COL6A3: variants seen among roughly 807,000 people sequenced by gnomAD.
COL6A3 encodes the protein collagen alpha-3(VI) chain.
In COL6A3, 137 loss-of-function variants were observed where a neutral mutation model predicts 274.1. That is an observed-to-expected ratio of 0.50 (90% CI 0.44 to 0.58). The LOEUF (loss-of-function observed/expected upper bound fraction) is 0.58. Ranked by LOEUF, COL6A3 falls within the 20% of genes least tolerant of loss-of-function variation. The probability of loss-of-function intolerance (pLI) is 0.00; values close to 1 mark genes in which losing one functional copy is unlikely to be tolerated. For missense variants in COL6A3, 3,950 were observed against 4,124.9 expected (o/e 0.96, Z 1.16); for synonymous variants, 1,650 against 1,650.6 (o/e 1.00, Z 0.01).
At position 237,377,310 on chromosome 2, in the gene COL6A3, G is replaced by A. The variant is rs2077875097; in HGVS notation, c.2532C>T (p.Gly844=). 1 of 1,601,516 alleles carries A rather than the reference G, an allele frequency of 6.2e-7. No homozygotes were observed. The highest frequency in any genetic ancestry group is 1.3e-5 in the African/African-American group (1 of 75,030). Residue 844 remains glycine, a synonymous_variant, in exon 7 of 44, where the codon GGC becomes GGT. Transcript: ENST00000295550. Reference sequence around the variant, plus strand: ...GGAACTGGCCCACAAGATTGGCTGAGCCGTCAAAGAGGAACAGAATGTCTC... The same window carrying A: ...GGAACTGGCCCACAAGATTGGCTGAACCGTCAAAGAGGAACAGAATGTCTC... ...SKRDILFLFD[G]SANLVGQFPV...
chr2:237,377,067 C>T lies in COL6A3; in HGVS notation c.2775G>A (p.Arg925=), dbSNP rs1416907637. 2 of 1,614,206 alleles carry T rather than the reference C, an allele frequency of 1.2e-6. No individual in the cohort carries two copies. The highest frequency in any genetic ancestry group is 1.7e-5 in the Admixed American group (1 of 60,020). Residue 925 remains arginine, a synonymous_variant, in exon 7 of 44, where the codon AGG becomes AGA. Coordinates refer to ENST00000295550, the MANE Select transcript of COL6A3 (RefSeq NM_004369.4). The part of the protein sequence containing the change: ...NLGYALDYAQ[R]YIFVKSAGSR... Reference sequence around the variant, plus strand: ...TGCCAGCAGACTTCACAAAAATGTACCTCTGTGCATAGTCCAGCGCGTAGC... The same window carrying T: ...TGCCAGCAGACTTCACAAAAATGTATCTCTGTGCATAGTCCAGCGCGTAGC...
chr2:237,346,694 T>C (rs2077104315), intron 31 of COL6A3, 129 bp from the exon 32 acceptor site: 1 of 803,442 alleles, frequency 1.2e-6, no homozygotes, highest in Admixed American at 2.1e-5. Context: ...ATCTCTCACT[T>C]TAAGGGAGCT....
Position 237,369,201 on chromosome 2 carries a change from G to C in COL6A3, c.4286-24C>G, listed in dbSNP as rs765527399. The C allele has an allele frequency of 1.0e-5, 16 of 1,603,368 alleles. No individual in the cohort carries two copies. The East Asian group carries it at 3.1e-4, about 31-fold the overall frequency. ...TGCTGCAGATCAAAGAAGAAAAAGGGAAACATTCAGTGTGTAAGTAGCCCT... is the reference window on the plus strand; with the variant it reads ...TGCTGCAGATCAAAGAAGAAAAAGGCAAACATTCAGTGTGTAAGTAGCCCT... On this transcript the variant is annotated intron_variant, in intron 9 of 43. Transcript: ENST00000295550.
Position 237,381,296 on chromosome 2 carries a change from T to G in COL6A3, c.1516A>C (p.Arg506=), listed in dbSNP as rs2077998661. The G allele has an allele frequency of 6.2e-7, 1 of 1,614,108 alleles. No individual in the cohort carries two copies. Among genetic ancestry groups the G allele is most frequent in the Admixed American group, 1.7e-5 (1 of 60,010 alleles). ...TTCCGCACAGCGGTTATGACTTCCC[T>G]TTTTGTTGGATGGGTATTGAAATAA... is the stretch of plus-strand genomic sequence containing the variant. ...EFYFNTHPTK[R]EVITAVRKMK... is the part of the protein sequence containing the mutation. Residue 506 remains arginine, a synonymous_variant, in exon 5 of 44, where the codon AGG becomes CGG. Coordinates refer to ENST00000295550, the MANE Select transcript of COL6A3 (RefSeq NM_004369.4).
At position 237,371,857 on chromosome 2, in the gene COL6A3, T is replaced by C. The variant is rs759080481; in HGVS notation, c.4160A>G (p.Tyr1387Cys). ...CCGGAAGGTGCTCACCGAGAACACATATTCGGGGCTCAGCGAGATCTTCAC... is the reference window on the plus strand; with the variant it reads ...CCGGAAGGTGCTCACCGAGAACACACATTCGGGGCTCAGCGAGATCTTCAC... ...ELVKISLSPEYVFSVSTFREL... is the reference protein window; with the variant it reads ...ELVKISLSPECVFSVSTFREL... Residue 1387 changes from tyrosine to cysteine, a missense_variant, in exon 9 of 44, where the codon TAT becomes TGT. Physicochemically the swap from Tyr to Cys is radical, Grantham distance 194. Around this residue, in one of 5 missense-constraint regions of COL6A3, gnomAD observed 1,934 missense variants for 1,984.3 expected, o/e 0.97. Transcript: ENST00000295550. The surrounding 1 kb of genome is among the most constrained non-coding windows in gnomAD (Gnocchi z 4.3). 1.9e-6 allele frequency: 3 copies of C among 1,597,902 alleles called. No individual in the cohort carries two copies. The highest frequency in any genetic ancestry group is 2.3e-5 in the East Asian group (1 of 44,202).
chr2:237,358,478 TC>T (rs781712265), intron 21 of COL6A3, 42 bp downstream of exon 21: 34 of 1,530,918 alleles, frequency 2.2e-5, no homozygotes, highest in Non-Finnish European at 2.9e-5. Context: ...ACAACCCTCT[TC>T]CCCAGGCTCA....
chr2:237,352,438 C>T (rs1302178359), intron 26 of COL6A3, 84 bp downstream of exon 26: 7 of 1,336,344 alleles, frequency 5.2e-6, no homozygotes, highest in Non-Finnish European at 7.4e-6. Context: ...TCTACAATAG[C>T]ATCATCCGAG....
intron 42 of COL6A3, chr2:237,326,389 T>C (rs1699942825): frequency 6.6e-6 from 1 of 152,216 alleles, no homozygotes. Context: ...AGCAGAACTA[T>C]TTTGAAGACA....
rs551322960 is a variant in COL6A3 at position 237,414,078 on chromosome 2, G to A, written c.-156C>T. The A allele has an allele frequency of 4.6e-5, 7 of 152,300 alleles. No homozygotes were observed. The highest frequency in any genetic ancestry group is 1.7e-4 in the African/African-American group (7 of 41,570). 9.4% of individuals were successfully genotyped at this position (152,300 alleles called of 1,614,324 possible). A position where few individuals can be genotyped will look rare whatever the true frequency, so the allele number is the denominator to read the frequency against. ...TGCAGCCTTTCTCCACCAAAAAAGT[G>A]GAGACTCAGAGCTGCGGAGGAAAAC... On this transcript the variant is annotated 5_prime_UTR_variant, in exon 1 of 44. Transcript: ENST00000295550.
At chr2:237,409,817 T>TGAAG (rs1466421489) in intron 1 of COL6A3, among the ~76,000 whole-genome samples, 1 of 152,176 alleles carries the variant, frequency 6.6e-6, no homozygotes, top group Non-Finnish European at 1.5e-5. Flanking sequence ...CGCAATGGCA[T>TGAAG]GAATATGCAA....
chr2:237,393,845 G>A (rs2078354681), intron 3 of COL6A3, among the ~76,000 whole-genome samples: 1 of 152,160 alleles, frequency 6.6e-6, no homozygotes, highest in Non-Finnish European at 1.5e-5. Flanking sequence ...ACATGCAACT[G>A]CACATGACAC....
chr2:237,360,680 A>G (rs2077416270), intron 16 of COL6A3, among the ~76,000 whole-genome samples: 1 of 152,078 alleles, frequency 6.6e-6, no homozygotes, highest in Non-Finnish European at 1.5e-5. Context: ...GGGTCTGTCC[A>G]TCCCCAAGAC....
Position 237,359,208 on chromosome 2 carries a change from C to T in COL6A3, c.6352G>A (p.Asp2118Asn). The T allele has an allele frequency of 6.2e-7, 1 of 1,614,260 alleles. No individual in the cohort carries two copies. The highest frequency in any genetic ancestry group is 8.5e-7 in the Non-Finnish European group (1 of 1,180,040). Reference protein sequence around the residue: ...EIGLDGLDGEDGDKGLPGSSG... With the variant: ...EIGLDGLDGENGDKGLPGSSG... ...GGACTTAGAGTAAAATCACTTACAT[C>T]TTCACCATCCAGACCATCCAGTCCA... is the stretch of plus-strand genomic sequence containing the variant. Residue 2118 changes from aspartate to asparagine, a missense_variant and splice_region_variant, in exon 19 of 44, where the codon GAT (aspartate) becomes AAT (asparagine). By Grantham distance (23) the Asp-to-Asn change is conservative. Transcript: ENST00000295550.
Position 237,367,057 on chromosome 2 carries a change from G to A in COL6A3, c.5130C>T (p.Val1710=). ...RQIIDAINKV[V]YKGGRHANTK... ...TGTTGGCGTGTCTTCCCCCTTTGTA[G>A]ACCACTTTGTTGATGGCGTCAATAA... is the stretch of plus-strand genomic sequence containing the variant. Residue 1710 remains valine, a synonymous_variant, in exon 11 of 44, where the codon GTC becomes GTT. Coordinates refer to ENST00000295550, the MANE Select transcript of COL6A3 (RefSeq NM_004369.4). 3 of 1,614,230 alleles carry A rather than the reference G, an allele frequency of 1.9e-6. No homozygotes were observed. Among genetic ancestry groups the A allele is most frequent in the Non-Finnish European group, 2.5e-6 (3 of 1,180,048 alleles).
At position 237,395,061 on chromosome 2, in the gene COL6A3, C is replaced by A. The variant is rs1263940729; in HGVS notation, c.235G>T (p.Ala79Ser). The A allele has an allele frequency of 6.2e-7, 1 of 1,614,130 alleles. No homozygotes were observed. The highest frequency in any genetic ancestry group is 8.5e-7 in the Non-Finnish European group (1 of 1,180,020). Residue 79 changes from alanine to serine, a missense_variant, in exon 3 of 44, where the codon GCT (alanine) becomes TCT (serine). Physicochemically the swap from Ala to Ser is moderately conservative, Grantham distance 99 (BLOSUM62 1). This residue lies in a region of COL6A3 where 1,934 missense variants were observed against 1,984.3 expected (regional missense o/e 0.97). Transcript: ENST00000295550. ...LAVGENDFHF[A>S]LVQFNGNPHT... ...GGGTTTCCGTTGAACTGGACCAGAG[C>A]AAAATGGAAATCATTTTCTCCCACA...
intron 2 of COL6A3, among the ~76,000 whole-genome samples, 200 bp from the exon 3 acceptor site, chr2:237,395,404 A>G (rs1244959977): frequency 6.6e-6 from 1 of 152,178 alleles, no homozygotes; most frequent in Non-Finnish European, 1.5e-5. Context: ...GCTGGTGCCC[A>G]GTCACTAGCC....
At chr2:237,398,958 G>T (rs1220877442) in intron 1 of COL6A3, among the ~76,000 whole-genome samples, 1 of 152,128 alleles carries the variant, frequency 6.6e-6, no homozygotes, top group Non-Finnish European at 1.5e-5. Context: ...TTTTCATAAT[G>T]TGTGTTATTT....
intron 20 of COL6A3, among the ~76,000 whole-genome samples, chr2:237,358,834 T>C (rs1226774510): frequency 1.3e-5 from 2 of 152,168 alleles, no homozygotes; most frequent in African/African-American, 4.8e-5. Context: ...CCCTGCCCTA[T>C]GGGATGTGAT....
chr2:237,392,734 C>A (rs1024781416), intron 3 of COL6A3, among the ~76,000 whole-genome samples: 1 of 152,200 alleles, frequency 6.6e-6, no homozygotes, highest in African/African-American at 2.4e-5. Context: ...GATTTAGTTA[C>A]ATTATGTTCA....
Sources: allele counts gnomAD v4.1 joint callset (sites outside exome capture counted in the v4.1 genomes callset), GRCh38; gene constraint gnomAD v4.1.1; regional missense constraint gnomAD v4.1.1; non-coding constraint Gnocchi (gnomAD v3.1); transcripts MANE v1.5; gene names NCBI Gene and HGNC (gene_info 2026-07-23, HGNC 2026-07-21).